YIPF1: variants seen among roughly 807,000 people sequenced by gnomAD.
YIPF1 encodes Yip1 domain family member 1.
Under a neutral mutation model 37.0 loss-of-function variants are expected in YIPF1, and 22 were observed. The observed-to-expected ratio is 0.59, with a 90% CI of 0.42 to 0.85. YIPF1 has a LOEUF of 0.85. Among genes scored for constraint, YIPF1 ranks in the 40% least tolerant of loss-of-function variants. The pLI is 0.00. For missense variants in YIPF1, 355 were observed against 373.1 expected, an observed-to-expected ratio of 0.95 and a Z score of 0.40; for synonymous variants, 128 against 131.9, an observed-to-expected ratio of 0.97 and a Z score of 0.21.
chr1:53,859,610 A>G (rs1649811665), intron 10 of YIPF1, among the ~76,000 whole-genome samples: 2 of 152,332 alleles, frequency 1.3e-5, no homozygotes, highest in Non-Finnish European at 1.5e-5. Flanking sequence ...GGCTGCACTG[A>G]GCTGAGATCA....
intron 3 of YIPF1, among the ~76,000 whole-genome samples, chr1:53,887,686 C>T (rs1650692172): frequency 6.6e-6 from 1 of 152,082 alleles, no homozygotes; most frequent in Non-Finnish European, 1.5e-5. Context: ...TATCTTTAAA[C>T]AGTGTATCTC....
chr1:53,869,864 T>C (rs1179941592), intron 7 of YIPF1, among the ~76,000 whole-genome samples: 1 of 147,312 alleles, frequency 6.8e-6, no homozygotes, highest in Non-Finnish European at 1.5e-5. Flanking sequence ...CAGACTTCTT[T>C]CTCCCCGCTT....
At chr1:53,858,596 T>A (rs1419470468) in intron 10 of YIPF1, among the ~76,000 whole-genome samples, 1 of 152,262 alleles carries the variant, frequency 6.6e-6, no homozygotes, top group Non-Finnish European at 1.5e-5. Context: ...GTAAGCCCCT[T>A]ACCCAAGGCA....
rs1420979726 is a variant in YIPF1, at chr1:53,861,099, C to T, written c.832-946G>A. On this transcript the variant is annotated intron_variant, in intron 9 of 10. Transcript: ENST00000072644. Reference sequence around the variant, plus strand: ...CACCAACACAACATGTTGGAGCTCTCCCCTACCTGTTGCTATTCCATGTTA... The same window carrying T: ...CACCAACACAACATGTTGGAGCTCTTCCCTACCTGTTGCTATTCCATGTTA... 2.0e-5 allele frequency among the ~76,000 whole-genome samples: 3 copies of T among 152,202 alleles called. No individual in the cohort carries two copies. In the South Asian group the frequency reaches 6.2e-4, roughly 31 times the overall value.
At chr1:53,877,928 T>A (rs1650375229) in intron 6 of YIPF1, among the ~76,000 whole-genome samples, 1 of 152,190 alleles carries the variant, frequency 6.6e-6, no homozygotes, top group African/African-American at 2.4e-5. Context: ...GTGTTGGGAT[T>A]ACAGGCGGCA....
In YIPF1 at chr1:53,866,352, G is replaced by C. The variant is rs77267196; in HGVS notation, c.679C>G (p.Arg227Gly). Residue 227 changes from arginine to glycine, a missense_variant, in exon 9 of 11, where the codon CGT (arginine) becomes GGT (glycine). Coordinates refer to ENST00000072644, the MANE Select transcript of YIPF1 (RefSeq NM_018982.5). Reference protein sequence around the residue: ...ILWIIPQKAVRWILVMIALGI... With the variant: ...ILWIIPQKAVGWILVMIALGI... ...AGGGCAATCATGACTAGAATCCAAC[G>C]AACAGCTTTCTGGGGGATAATCCAC... is the stretch of plus-strand genomic sequence containing the variant. 2 of 1,614,028 alleles carry C rather than the reference G, an allele frequency of 1.2e-6. No homozygotes were observed. Among genetic ancestry groups the C allele is most frequent in the Non-Finnish European group, 8.5e-7 (1 of 1,179,992 alleles).
rs1649598196 is a variant in YIPF1, at chr1:53,851,743, T to C, written c.*536A>G. 1 of 152,048 alleles carries C rather than the reference T, an allele frequency of 6.6e-6. No individual in the cohort carries two copies. The highest frequency in any genetic ancestry group is 1.9e-4 in the East Asian group (1 of 5,194). 9.4% of individuals were successfully genotyped at this position (152,048 alleles called of 1,614,324 possible). A position where few individuals can be genotyped will look rare whatever the true frequency, so the allele number is the denominator to read the frequency against. On this transcript the variant is annotated 3_prime_UTR_variant, in exon 11 of 11. Coordinates refer to ENST00000072644, the MANE Select transcript of YIPF1 (RefSeq NM_018982.5). The stretch of plus-strand genomic sequence containing the variant: ...ATGCAGACACAGACATCATGTGAGG[T>C]ATTTATTTTGCAGCCATTCAGTTCA...
chr1:53,878,830 C>A, intron 4 of YIPF1, 108 bp from the exon 5 acceptor site: 2 of 963,438 alleles, frequency 2.1e-6, no homozygotes, highest in South Asian at 3.8e-5. Flanking sequence ...ACGTTTGAAA[C>A]AATAGGCTCT....
chr1:53,868,917 T>C (rs886762808), intron 7 of YIPF1, among the ~76,000 whole-genome samples: 1 of 152,232 alleles, frequency 6.6e-6, no homozygotes, highest in South Asian at 2.1e-4. Context: ...TAATATGTAC[T>C]GTTTACAGCA....
chr1:53,873,123 G>A (rs538854985), intron 6 of YIPF1, among the ~76,000 whole-genome samples: 8 of 152,236 alleles, frequency 5.3e-5, no homozygotes, highest in South Asian at 4.1e-4. Flanking sequence ...TATTTACTAA[G>A]TACCCACTAC....
Position 53,866,836 on chromosome 1 carries a change from A to C in YIPF1, c.570T>G (p.Val190=). The C allele has an allele frequency of 6.2e-7, 1 of 1,614,234 alleles. No homozygotes were observed. The highest frequency in any genetic ancestry group is 1.3e-5 in the African/African-American group (1 of 75,060). Residue 190 remains valine (V), a synonymous_variant, in exon 8 of 11, where the codon GTT becomes GTG. Transcript: ENST00000072644. The stretch of plus-strand genomic sequence containing the variant: ...GAAATGAATAGGAGACGATGTTCAT[A>C]ACTTTGCTGTTTCTCCACATGAGGA... ...WGFLMWRNSK[V]MNIVSYSFLE...
intron 7 of YIPF1, among the ~76,000 whole-genome samples, chr1:53,869,529 T>G (rs1650121721): frequency 6.6e-6 from 1 of 152,114 alleles, no homozygotes; most frequent in African/African-American, 2.4e-5. Flanking sequence ...TAGAAGCTAG[T>G]GAGTGGTGGA....
intron 4 of YIPF1, 112 bp downstream of exon 4, chr1:53,883,001 A>G (rs1180614975): frequency 8.0e-7 from 1 of 1,246,484 alleles, no homozygotes; most frequent in Non-Finnish European, 1.1e-6. Flanking sequence ...TGTGTCATTT[A>G]CCTCTGAGCT....
At chr1:53,887,036 A>G (rs1650673630) in intron 3 of YIPF1, among the ~76,000 whole-genome samples, 2 of 151,900 alleles carry the variant, frequency 1.3e-5, no homozygotes, top group South Asian at 4.1e-4. Context: ...AGGCTGCATC[A>G]TATAGGGGCC....
At chr1:53,886,128 T>C (rs2100745151) in intron 3 of YIPF1, among the ~76,000 whole-genome samples, 1 of 151,970 alleles carries the variant, frequency 6.6e-6, no homozygotes, top group East Asian at 1.9e-4. Context: ...CCTCTAGTTA[T>C]TGGGATCAGG....
chr1:53,878,629 T>C lies in YIPF1; in HGVS notation c.276+13A>G. On this transcript the variant is annotated intron_variant, in intron 5 of 10. Transcript: ENST00000072644. ...TTTACCCGTAAAAGGAAAGGTGAAA[T>C]TGGTTTCCAAACCTGGTAGGTGTCC... The C allele has an allele frequency of 6.3e-7, 1 of 1,598,298 alleles. No individual in the cohort carries two copies. The highest frequency in any genetic ancestry group is 8.5e-7 in the Non-Finnish European group (1 of 1,176,638).
chr1:53,874,771 A>AT (rs1557607781), intron 6 of YIPF1, among the ~76,000 whole-genome samples: 23 of 151,778 alleles, frequency 1.5e-4, no homozygotes, highest in Non-Finnish European at 2.5e-4. Context: ...TGTCTCAAAA[A>AT]ATATATATAT....
Position 53,880,146 on chromosome 1 carries a change from A to G in YIPF1, c.196-1424T>C, listed in dbSNP as rs530301610. On this transcript the variant is annotated intron_variant, in intron 4 of 10. Transcript: ENST00000072644. ...TTTGTTTGCAAGATGACATGTTTCT[A>G]TATCTAAAAAACCCCATCATCTCAG... 1.3e-5 allele frequency among the ~76,000 whole-genome samples: 2 copies of G among 152,278 alleles called. 1 individual carries two copies. Among genetic ancestry groups the G allele is most frequent in the South Asian group, 4.1e-4 (2 of 4,824 alleles).
At chr1:53,882,068 G>A (rs1325308331) in intron 4 of YIPF1, among the ~76,000 whole-genome samples, 2 of 152,178 alleles carry the variant, frequency 1.3e-5, no homozygotes, top group Non-Finnish European at 2.9e-5. Context: ...CAGGGACATG[G>A]ATGGAGTTGG....
Sources: gnomAD v4.1 joint callset for allele counts (sites outside exome capture counted in the v4.1 genomes callset) on GRCh38, gnomAD v4.1.1 for gene constraint, MANE v1.5 for transcripts, NCBI Gene and HGNC (gene_info 2026-07-23, HGNC 2026-07-21) for gene names.